Variants in OPHN1 observed in about 807,000 individuals in gnomAD.
OPHN1 encodes the protein oligophrenin 1, also known as oligophrenin-1.
Under a neutral mutation model 60.7 loss-of-function variants are expected in OPHN1, and 11 were observed. That is an observed-to-expected ratio of 0.18 (90% CI 0.11 to 0.30). OPHN1 has a LOEUF of 0.30. Among genes scored for constraint, OPHN1 ranks in the 10% least tolerant of loss-of-function variants. The probability of loss-of-function intolerance (pLI) is 1.00; values close to 1 mark genes in which losing one functional copy is unlikely to be tolerated. For missense variants in OPHN1, 449 were observed against 611.0 expected (o/e 0.73, Z 2.80); for synonymous variants, 226 against 222.6 (o/e 1.02, Z -0.14).
chrX:68,179,464 A>T (rs962055931), intron 15 of OPHN1, among the ~76,000 whole-genome samples: 2 of 112,199 alleles, frequency 1.8e-5, no homozygotes, highest in Non-Finnish European at 3.8e-5. Flanking sequence ...CTTGAGTCAG[A>T]TTCCTCTGAA....
intron 15 of OPHN1, among the ~76,000 whole-genome samples, chrX:68,174,506 C>T (rs1477035293): frequency 2.4e-5 from 2 of 83,228 alleles, no homozygotes; most frequent in Non-Finnish European, 4.3e-5. Flanking sequence ...GAGTCTCACT[C>T]TATCACCCAG....
At chrX:68,371,277 G>A (rs1452237347) in intron 2 of OPHN1, among the ~76,000 whole-genome samples, 1 of 107,580 alleles carries the variant, frequency 9.3e-6, no homozygotes, top group Non-Finnish European at 1.9e-5. Flanking sequence ...GAGTGCAGTG[G>A]CGTTATGACG....
At chrX:68,236,819 C>A (rs774476727) in intron 5 of OPHN1, among the ~76,000 whole-genome samples, 1 of 112,144 alleles carries the variant, frequency 8.9e-6, no homozygotes, top group African/African-American at 3.2e-5. Flanking sequence ...AGTCCCAGCA[C>A]CATTTATTCA....
At chrX:68,197,788 C>A (rs994577035) in intron 11 of OPHN1, among the ~76,000 whole-genome samples, 3 of 111,624 alleles carry the variant, frequency 2.7e-5, no homozygotes, top group African/African-American at 9.8e-5. Context: ...GGCTAATAAG[C>A]AATTTTATGA....
At chrX:68,133,355 G>C in intron 15 of OPHN1, 1 of 714,211 alleles carries the variant, frequency 1.4e-6, no homozygotes, top group Non-Finnish European at 2.2e-6. Flanking sequence ...CAAACTAGCA[G>C]AACAATATGA....
At chrX:68,157,641 G>T (rs774380373) in intron 15 of OPHN1, among the ~76,000 whole-genome samples, 1 of 111,320 alleles carries the variant, frequency 9.0e-6, no homozygotes, top group Non-Finnish European at 1.9e-5. Flanking sequence ...CTCACTACCT[G>T]GGTGTAACAT....
chrX:68,265,967 A>C (rs1244329263), intron 5 of OPHN1, among the ~76,000 whole-genome samples: 1 of 111,582 alleles, frequency 9.0e-6, no homozygotes, highest in Non-Finnish European at 1.9e-5. Flanking sequence ...GTGAGAAGAG[A>C]GGTTTAGAGA....
chrX:68,122,973 A>T (rs1193747481), intron 15 of OPHN1, among the ~76,000 whole-genome samples: 1 of 111,339 alleles, frequency 9.0e-6, no homozygotes, highest in Non-Finnish European at 1.9e-5. Flanking sequence ...TTGAAGTACA[A>T]GACGGTTATA....
chrX:68,049,896 T>C, intron 23 of OPHN1, among the ~76,000 whole-genome samples: 1 of 112,146 alleles, frequency 8.9e-6, no homozygotes, highest in Middle Eastern at 4.7e-3. Flanking sequence ...TTTATGTTCT[T>C]GATGAGCCAC....
intron 2 of OPHN1, among the ~76,000 whole-genome samples, chrX:68,317,376 A>AAAGGAAGGAAGGAAGG (rs771749142): frequency 2.4e-4 from 12 of 50,576 alleles, no homozygotes; most frequent in African/African-American, 5.3e-4. Flanking sequence ...AGAAAGAAAG[A>AAAGGAAGGAAGGAAGG]AAGGAAGGAA....
chrX:68,312,022 C>A (rs2078175875), intron 2 of OPHN1, among the ~76,000 whole-genome samples: 1 of 110,005 alleles, frequency 9.1e-6, no homozygotes, highest in Non-Finnish European at 1.9e-5. Flanking sequence ...AATATTTTTT[C>A]TGATAAAAAT....
intron 22 of OPHN1, among the ~76,000 whole-genome samples, chrX:68,052,803 T>C (rs760645039): frequency 1.4e-4 from 16 of 112,393 alleles, no homozygotes; most frequent in Admixed American, 4.7e-4. Flanking sequence ...TCCCCATTGC[T>C]TCAGAATGGT....
chrX:68,327,797 T>TAAAAAAAAAAAAAAA (rs35324033), intron 2 of OPHN1, among the ~76,000 whole-genome samples: 4 of 67,362 alleles, frequency 5.9e-5, no homozygotes, highest in Non-Finnish European at 8.3e-5. Flanking sequence ...ATAAAAAAAA[T>TAAAAAAAAAAAAAAA]AAAAAAAAAA....
chrX:68,240,905 C>G (rs957610269), intron 5 of OPHN1, among the ~76,000 whole-genome samples: 1 of 111,768 alleles, frequency 8.9e-6, no homozygotes, highest in Non-Finnish European at 1.9e-5. Flanking sequence ...TGAACTGTGT[C>G]CCACAAATGT....
chrX:68,121,499 T>C (rs769985854), intron 15 of OPHN1, among the ~76,000 whole-genome samples: 338 of 111,252 alleles, frequency 3.0e-3, no homozygotes, highest in African/African-American at 0.01. Context: ...ACAGGGAGCA[T>C]TTAAACCAGC....
intron 2 of OPHN1, among the ~76,000 whole-genome samples, chrX:68,412,817 C>A (rs763323595): frequency 8.9e-6 from 1 of 111,815 alleles, no homozygotes; most frequent in Admixed American, 9.6e-5. Context: ...CCCATCTCAG[C>A]TATATACTTG....
At chrX:68,341,957 T>A (rs1347015963) in intron 2 of OPHN1, among the ~76,000 whole-genome samples, 1 of 107,714 alleles carries the variant, frequency 9.3e-6, no homozygotes, top group Non-Finnish European at 1.9e-5. Context: ...GAAAAAAAGT[T>A]AATTTTTGGT....
At chrX:68,400,060 T>C (rs1196747684) in intron 2 of OPHN1, among the ~76,000 whole-genome samples, 1 of 110,722 alleles carries the variant, frequency 9.0e-6, no homozygotes, top group Non-Finnish European at 1.9e-5. Context: ...GACTGCTTTC[T>C]GCAACCAATC....
chrX:68,220,099 A>G (rs2077645048), intron 6 of OPHN1, among the ~76,000 whole-genome samples: 1 of 106,844 alleles, frequency 9.4e-6, no homozygotes, highest in Non-Finnish European at 1.9e-5. Context: ...TAAAGGGGAT[A>G]TCACCACCAA....
Sources: allele counts gnomAD v4.1 joint callset (sites outside exome capture counted in the v4.1 genomes callset), GRCh38; gene constraint gnomAD v4.1.1; transcripts MANE v1.5; gene names NCBI Gene and HGNC (gene_info 2026-07-23, HGNC 2026-07-21).